The following ACTG2 variants were observed in gnomAD, a reference collection of about 807,000 sequenced individuals.
The protein encoded by ACTG2 is actin gamma 2, smooth muscle, also known as actin, gamma-enteric smooth muscle.
ACTG2 carries 16 observed loss-of-function variants against 37.6 expected under a neutral mutation model. The ratio of observed to expected loss-of-function variants is 0.43; its 90% CI spans 0.29 to 0.65. ACTG2 has a LOEUF of 0.65. ACTG2 is among the 30% of genes least tolerant of loss of function. The pLI is 0.18. For missense variants in ACTG2, 238 were observed against 490.9 expected (o/e 0.48, Z 4.87); for synonymous variants, 181 against 179.9 (o/e 1.01, Z -0.05).
chr2:73,901,751 AT>A (rs1679889592), intron 2 of ACTG2: 1 of 352,270 alleles, frequency 2.8e-6, no homozygotes. Flanking sequence ...TCTGGCTTAC[AT>A]TTGGGGGGTT....
At chr2:73,914,973 A>G (rs1253663655) in intron 7 of ACTG2, 102 bp downstream of exon 7, 2 of 1,024,250 alleles carry the variant, frequency 2.0e-6, no homozygotes, top group Admixed American at 3.6e-5. Context: ...CACTTTGTTA[A>G]TTACATACAC....
chr2:73,904,775 GTGTATATATATATATATATATA>G (rs1164042513), intron 3 of ACTG2, among the ~76,000 whole-genome samples: 14 of 19,108 alleles, frequency 7.3e-4, no homozygotes, highest in African/African-American at 2.0e-3. Context: ...GTGTGTGTGT[GTGTATATATATATATATATATA>G]TATATATATA....
At chr2:73,893,411 A>G (rs989635505) in intron 1 of ACTG2, among the ~76,000 whole-genome samples, 39 of 152,330 alleles carry the variant, frequency 2.6e-4, no homozygotes, top group African/African-American at 8.9e-4. Flanking sequence ...TTAGGGGATC[A>G]TATACTTTGC....
Position 73,916,632 on chromosome 2 carries a change from A to G in ACTG2, c.854A>G (p.Lys285Arg). The G allele has an allele frequency of 6.2e-7, 1 of 1,614,096 alleles. No individual in the cohort carries two copies. Among genetic ancestry groups the G allele is most frequent in the Non-Finnish European group, 8.5e-7 (1 of 1,180,006 alleles). ...GAGACAACCTACAATTCCATCATGA[A>G]GTGTGACATTGACATCCGTAAGGAC... Reference protein sequence around the residue: ...IHETTYNSIMKCDIDIRKDLY... With the variant: ...IHETTYNSIMRCDIDIRKDLY... The change falls in exon 8 of 9, where the codon AAG becomes AGG. Residue 285 changes from lysine to arginine, a missense_variant. Physicochemically the swap from Lys to Arg is conservative, Grantham distance 26 (BLOSUM62 2). Coordinates refer to ENST00000345517, the MANE Select transcript of ACTG2 (RefSeq NM_001615.4).
At chr2:73,906,383 G>A (rs1313262654) in intron 3 of ACTG2, among the ~76,000 whole-genome samples, 1 of 152,014 alleles carries the variant, frequency 6.6e-6, no homozygotes, top group African/African-American at 2.4e-5. Context: ...CCCGGGAGGC[G>A]GAGCTTGCAG....
chr2:73,915,883 G>A (rs149838801), intron 7 of ACTG2, among the ~76,000 whole-genome samples: 89 of 152,288 alleles, frequency 5.8e-4, no homozygotes, highest in Middle Eastern at 3.4e-3. Context: ...CTGGGGCAGG[G>A]ATGGAGGGGA....
rs569436169 is a variant in ACTG2, at chr2:73,908,989, A to G, written c.367-66A>G. ...CCTGCCCTTAATGAGATTACAAACC[A>G]TTCTACAGGCCAAGAAGTGCTGTGA... On this transcript the variant is annotated intron_variant, in intron 4 of 8. Transcript: ENST00000345517. The G allele has an allele frequency of 6.7e-5, 100 of 1,497,938 alleles. No individual in the cohort carries two copies. In the African/African-American group the frequency reaches 1.3e-3, roughly 19 times the overall value. The allele number at this position is 1,497,938 out of a possible 1,614,324, so 92.8% of individuals were successfully genotyped here. A position where few individuals can be genotyped will look rare whatever the true frequency, so the allele number is the denominator to read the frequency against.
intron 8 of ACTG2, 68 bp downstream of exon 8, chr2:73,916,833 G>T: frequency 6.5e-7 from 1 of 1,549,022 alleles, no homozygotes; most frequent in South Asian, 1.2e-5. Context: ...GGAGTTCCTC[G>T]GAGGCAGACT....
chr2:73,908,732 G>A lies in ACTG2; in HGVS notation c.315G>A (p.Leu105=). 1 of 1,614,074 alleles carries A rather than the reference G, an allele frequency of 6.2e-7. No homozygotes were observed. The highest frequency in any genetic ancestry group is 8.5e-7 in the Non-Finnish European group (1 of 1,179,948). ...LRVAPEEHPT[L]LTEAPLNPKA... ...TAGCACCTGAAGAGCACCCCACCCT[G>A]CTCACAGAGGCTCCCCTAAATCCCA... Residue 105 remains leucine, a synonymous_variant, in exon 4 of 9, where the codon CTG becomes CTA. Coordinates refer to ENST00000345517, the MANE Select transcript of ACTG2 (RefSeq NM_001615.4).
intron 1 of ACTG2, among the ~76,000 whole-genome samples, chr2:73,893,949 G>A (rs1244458491): frequency 6.6e-6 from 1 of 152,196 alleles, no homozygotes; most frequent in Non-Finnish European, 1.5e-5. Context: ...CTTGAAGGCA[G>A]ACTGTCAGGC....
chr2:73,902,248 A>G (rs984733866), intron 2 of ACTG2, 112 bp from the exon 3 acceptor site: 2 of 1,291,582 alleles, frequency 1.5e-6, no homozygotes, highest in Admixed American at 4.6e-5. Context: ...TTCTGGGGGA[A>G]GAAAGGCTGT....
intron 5 of ACTG2, among the ~76,000 whole-genome samples, chr2:73,912,097 C>G (rs1174550329): frequency 6.6e-6 from 1 of 152,206 alleles, no homozygotes; most frequent in African/African-American, 2.4e-5. Flanking sequence ...GTGATAAGGA[C>G]AATGATGGAG....
At chr2:73,902,205 G>A (rs968214064) in intron 2 of ACTG2, among the ~76,000 whole-genome samples, 155 bp from the exon 3 acceptor site, 1 of 152,042 alleles carries the variant, frequency 6.6e-6, no homozygotes, top group African/African-American at 2.4e-5. Context: ...ATACTCACTG[G>A]CATCTGCTCC....
chr2:73,904,769 GTGTGTGTGTATATATATATATATATA>G (rs1558624238), intron 3 of ACTG2, among the ~76,000 whole-genome samples: 1 of 36,372 alleles, frequency 2.7e-5, no homozygotes, highest in African/African-American at 9.3e-5. Context: ...GTGTGTGTGT[GTGTGTGTGTATATATATATATATATA>G]TATATATATA....
intron 1 of ACTG2, among the ~76,000 whole-genome samples, chr2:73,894,516 C>T (rs1424400344): frequency 6.6e-6 from 1 of 152,164 alleles, no homozygotes; most frequent in Non-Finnish European, 1.5e-5. Flanking sequence ...TTATTGAGCA[C>T]TTATTATGGG....
chr2:73,901,628 G>GCACA, intron 2 of ACTG2, 191 bp downstream of exon 2: 1 of 1,034,966 alleles, frequency 9.7e-7, no homozygotes, highest in Non-Finnish European at 1.3e-6. Context: ...ATGCGTGTGT[G>GCACA]CACGCCAGGT....
rs1680074140 is a variant in ACTG2 at position 73,909,057 on chromosome 2, C to T, written c.369C>T (p.Ile123=). Residue 123 remains isoleucine, a splice_region_variant and synonymous_variant, in exon 5 of 9, where the codon ATC becomes ATT. Coordinates refer to ENST00000345517, the MANE Select transcript of ACTG2 (RefSeq NM_001615.4). ...PKANREKMTQ[I]MFETFNVPAM... is the part of the protein sequence containing the mutation. ...TTTATTCTTCATTGTCCTTTAAGAT[C>T]ATGTTTGAAACCTTCAATGTCCCTG... The T allele has an allele frequency of 6.2e-7, 1 of 1,613,862 alleles. No homozygotes were observed. Among genetic ancestry groups the T allele is most frequent in the Non-Finnish European group, 8.5e-7 (1 of 1,179,764 alleles).
At position 73,914,752 on chromosome 2, in the gene ACTG2, C is replaced by A; in HGVS notation, c.686C>A (p.Ala229Asp). ...GCCCTGGATTTTGAGAATGAGATGG[C>A]CACAGCAGCTTCCTCTTCCTCCCTG... ...YVALDFENEMATAASSSSLEK... is the reference protein window; with the variant it reads ...YVALDFENEMDTAASSSSLEK... Residue 229 changes from alanine (A) to aspartate (D), a missense_variant, in exon 7 of 9, where the codon GCC (alanine) becomes GAC (aspartate). Coordinates refer to ENST00000345517, the MANE Select transcript of ACTG2 (RefSeq NM_001615.4). 2 of 1,612,518 alleles carry A rather than the reference C, an allele frequency of 1.2e-6. No homozygotes were observed. Among genetic ancestry groups the A allele is most frequent in the Non-Finnish European group, 1.7e-6 (2 of 1,179,218 alleles).
At position 73,914,686 on chromosome 2, in the gene ACTG2, G is replaced by A; in HGVS notation, c.620G>A (p.Arg207Lys). The A allele has an allele frequency of 1.9e-6, 3 of 1,581,482 alleles. No individual in the cohort carries two copies. The highest frequency in any genetic ancestry group is 2.3e-5 in the South Asian group (2 of 85,996). The stretch of plus-strand genomic sequence containing the variant: ...TCATTTCTGCTCCTTCCAGCTGAGA[G>A]AGAAATTGTGCGAGACATCAAGGAG... ...RGYSFVTTAE[R>K]EIVRDIKEKL... The change falls in exon 7 of 9, where the codon AGA becomes AAA. Residue 207 changes from arginine to lysine, a missense_variant. Physicochemically the swap from Arg to Lys is conservative, Grantham distance 26. Coordinates refer to ENST00000345517, the MANE Select transcript of ACTG2 (RefSeq NM_001615.4).
Sources: allele counts gnomAD v4.1 joint callset (sites outside exome capture counted in the v4.1 genomes callset), GRCh38; gene constraint gnomAD v4.1.1; transcripts MANE v1.5; gene names NCBI Gene and HGNC (gene_info 2026-07-23, HGNC 2026-07-21).